Variants in DNAJC6 observed in about 807,000 individuals in gnomAD.
DNAJC6 encodes auxilin.
In DNAJC6, 34 loss-of-function variants were observed where a neutral mutation model predicts 110.0. That is an observed-to-expected ratio of 0.31 (90% CI 0.24 to 0.41). DNAJC6 has a LOEUF of 0.41. DNAJC6 is among the 10% of genes least tolerant of loss of function. The probability of loss-of-function intolerance (pLI) is 1.00; values close to 1 mark genes in which losing one functional copy is unlikely to be tolerated. For missense variants in DNAJC6, 1,031 were observed against 1,207.8 expected (o/e 0.85, Z 2.17); for synonymous variants, 406 against 437.2 (o/e 0.93, Z 0.89).
At chr1:65,295,097 G>A (rs1644916499) in intron 1 of DNAJC6, among the ~76,000 whole-genome samples, 1 of 152,144 alleles carries the variant, frequency 6.6e-6, no homozygotes, top group Admixed American at 6.6e-5. Context: ...AGTGATGCAG[G>A]CATTGTGTTA....
chr1:65,336,238 G>T (rs936122325), intron 1 of DNAJC6, among the ~76,000 whole-genome samples: 2 of 152,188 alleles, frequency 1.3e-5, no homozygotes, highest in Non-Finnish European at 2.9e-5. Context: ...CAAGCAAAAG[G>T]AGGAAAAGTC....
chr1:65,296,693 T>C (rs1295000524), intron 1 of DNAJC6, among the ~76,000 whole-genome samples: 1 of 149,410 alleles, frequency 6.7e-6, no homozygotes, highest in Non-Finnish European at 1.5e-5. Context: ...GTTCAAGCAA[T>C]TCTCTGCCTC....
At chr1:65,352,946 C>G (rs1645505960) in intron 1 of DNAJC6, among the ~76,000 whole-genome samples, 1 of 152,162 alleles carries the variant, frequency 6.6e-6, no homozygotes. Context: ...ATATTGTCTC[C>G]CCTGTCTCTC....
chr1:65,357,523 C>T (rs1645554998), intron 1 of DNAJC6, among the ~76,000 whole-genome samples: 2 of 152,196 alleles, frequency 1.3e-5, no homozygotes, highest in Non-Finnish European at 2.9e-5. Flanking sequence ...TGCCAAGTTG[C>T]TGCCCATCTC....
chr1:65,365,061 C>T (rs556779445), intron 2 of DNAJC6, among the ~76,000 whole-genome samples: 4 of 152,232 alleles, frequency 2.6e-5, no homozygotes, highest in Admixed American at 2.0e-4. Context: ...CAATATCTGC[C>T]CTTGTTAACT....
At position 65,359,771 on chromosome 1, in the gene DNAJC6, G is replaced by A. The variant is rs141662929; in HGVS notation, c.194-4864G>A. On this transcript the variant is annotated intron_variant, in intron 1 of 18. Transcript: ENST00000371069. ...GTAAATGCTTTAGACTTTGTGGGCC[G>A]TAAGATCTGTGGCACTACTATTTTA... is the stretch of plus-strand genomic sequence containing the variant. Among the ~76,000 whole-genome samples the A allele has an allele frequency of 4.6e-3, 701 of 152,288 alleles. 4 individuals are homozygous for A. The highest frequency in any genetic ancestry group is 0.015 in the African/African-American group (635 of 41,568).
chr1:65,319,138 C>T (rs1645174072), intron 1 of DNAJC6, among the ~76,000 whole-genome samples: 1 of 152,160 alleles, frequency 6.6e-6, no homozygotes, highest in South Asian at 2.1e-4. Context: ...ACAGGAGATA[C>T]CTGGATGGCA....
At position 65,397,932 on chromosome 1, in the gene DNAJC6, G is replaced by A. The variant is rs141061644; in HGVS notation, c.2039-881G>A. Among the ~76,000 whole-genome samples the A allele has an allele frequency of 8.2e-4, 124 of 152,096 alleles. 2 individuals are homozygous for A. The highest frequency in any genetic ancestry group is 5.6e-3 in the East Asian group (29 of 5,188). ...TGGTGGTGATGGGGTGTGTGTGTGC[G>A]TGTGTGTGTGTTTTAAATCCCAGTT... is the stretch of plus-strand genomic sequence containing the variant. On this transcript the variant is annotated intron_variant, in intron 13 of 18. Coordinates refer to ENST00000371069, the MANE Select transcript of DNAJC6 (RefSeq NM_001256864.2).
At chr1:65,398,961 A>AGT in intron 14 of DNAJC6, 80 bp downstream of exon 14, 1 of 1,433,006 alleles carries the variant, frequency 7.0e-7, no homozygotes, top group Non-Finnish European at 9.8e-7. Flanking sequence ...GAGTACTCAC[A>AGT]GAGTATTGTG....
At chr1:65,269,197 C>T (rs954251203) in intron 1 of DNAJC6, among the ~76,000 whole-genome samples, 6 of 151,912 alleles carry the variant, frequency 3.9e-5, no homozygotes, top group Middle Eastern at 3.4e-3. Context: ...GTGAAACCCC[C>T]TCTCTACTAA....
At chr1:65,380,198 A>G (rs762049996) in intron 5 of DNAJC6, among the ~76,000 whole-genome samples, 1 of 152,224 alleles carries the variant, frequency 6.6e-6, no homozygotes, top group Non-Finnish European at 1.5e-5. Context: ...CTAGACTATT[A>G]TAATCTTGCA....
intron 1 of DNAJC6, among the ~76,000 whole-genome samples, chr1:65,313,322 C>T (rs1386544461): frequency 6.6e-6 from 1 of 151,968 alleles, no homozygotes; most frequent in Non-Finnish European, 1.5e-5. Flanking sequence ...CGGCCTCCCT[C>T]CCAAAGTGCT....
At chr1:65,346,041 C>T (rs1004044877) in intron 1 of DNAJC6, among the ~76,000 whole-genome samples, 1 of 152,136 alleles carries the variant, frequency 6.6e-6, no homozygotes, top group Non-Finnish European at 1.5e-5. Context: ...CAAATGCTTG[C>T]TGTGGGTTTT....
intron 1 of DNAJC6, among the ~76,000 whole-genome samples, chr1:65,268,732 A>G (rs563001311): frequency 6.6e-6 from 1 of 152,310 alleles, no homozygotes; most frequent in South Asian, 2.1e-4. Context: ...GAATTAACTT[A>G]CCTATATAAA....
In DNAJC6 at chr1:65,385,912, T is replaced by A; in HGVS notation, c.995+6T>A. ...ACAGATTTTGAACGAATGAAGTAAG[T>A]CATGATACTTTACTTCTTCCTATGT... On this transcript the variant is annotated splice_donor_region_variant and intron_variant, in intron 7 of 18. Transcript: ENST00000371069. The A allele has an allele frequency of 6.3e-7, 1 of 1,591,786 alleles. No homozygotes were observed. The highest frequency in any genetic ancestry group is 8.6e-7 in the Non-Finnish European group (1 of 1,163,236).
At chr1:65,402,172 C>T (rs571388400) in intron 15 of DNAJC6, among the ~76,000 whole-genome samples, 8 of 152,262 alleles carry the variant, frequency 5.3e-5, no homozygotes, top group South Asian at 2.1e-4. Context: ...AGTTTGGCTG[C>T]GCAAAAGTAA....
intron 1 of DNAJC6, among the ~76,000 whole-genome samples, chr1:65,311,778 CAT>C (rs1645104356): frequency 6.6e-6 from 1 of 152,082 alleles, no homozygotes; most frequent in African/African-American, 2.4e-5. Context: ...ATATGAAATA[CAT>C]ATGTTTTCCT....
intron 7 of DNAJC6, 73 bp downstream of exon 7, chr1:65,385,979 C>T: frequency 7.4e-7 from 1 of 1,354,866 alleles, no homozygotes; most frequent in Non-Finnish European, 1.0e-6. Context: ...TGAGTTGAAT[C>T]ATATTCTTCC....
intron 4 of DNAJC6, among the ~76,000 whole-genome samples, chr1:65,369,900 A>G (rs1394562454): frequency 6.6e-6 from 1 of 152,194 alleles, no homozygotes; most frequent in Non-Finnish European, 1.5e-5. Context: ...ATGTCACAGA[A>G]TGTTAAAATA....
Sources: gnomAD v4.1 joint callset for allele counts (sites outside exome capture counted in the v4.1 genomes callset) on GRCh38, gnomAD v4.1.1 for gene constraint, MANE v1.5 for transcripts, NCBI Gene and HGNC (gene_info 2026-07-23, HGNC 2026-07-21) for gene names.